PKD1L3: variants seen among roughly 807,000 people sequenced by gnomAD.
The protein encoded by PKD1L3 is polycystin 1 like 3, transient receptor potential channel interacting.
In PKD1L3, 239 loss-of-function variants were observed where a neutral mutation model predicts 184.1. The observed-to-expected ratio is 1.30, with a 90% CI of 1.17 to 1.45. The LOEUF (loss-of-function observed/expected upper bound fraction) is 1.45. Among genes scored for constraint, PKD1L3 ranks in the 40% most tolerant of loss-of-function variants. PKD1L3 has a pLI of 0.00. For missense variants in PKD1L3, 2,660 were observed against 2,067.2 expected (o/e 1.29, Z -5.56); for synonymous variants, 996 against 778.8 (o/e 1.28, Z -4.64).
Position 71,947,566 on chromosome 16 carries a change from G to A in PKD1L3, c.3644C>T (p.Ser1215Leu). 1.3e-6 allele frequency: 2 copies of A among 1,546,732 alleles called. No individual in the cohort carries two copies. The highest frequency in any genetic ancestry group is 2.4e-5 in the East Asian group (1 of 40,894). Residue 1215 changes from serine to leucine, a missense_variant, in exon 22 of 30, where the codon TCA (serine) becomes TTA (leucine). By Grantham distance (145) the Ser-to-Leu change is moderately radical (BLOSUM62 -2). Transcript: ENST00000620267. ...VKVVFFTFLY[S>L]LMMSRMPRLN... is the part of the protein sequence containing the mutation. ...CCGTGGCATCCTGCTCATCATCAGT[G>A]AGTATAAGAATGTGAAGAAGACCAC... is the stretch of plus-strand genomic sequence containing the variant.
At chr16:71,952,410 G>A (rs1008027094) in intron 18 of PKD1L3, among the ~76,000 whole-genome samples, 2 of 150,868 alleles carry the variant, frequency 1.3e-5, no homozygotes, top group Non-Finnish European at 3.0e-5. Flanking sequence ...TAGTAGAGAC[G>A]GGGTTTCACC....
At chr16:71,943,558 A>AAC (rs1555514236) in intron 23 of PKD1L3, among the ~76,000 whole-genome samples, 2 of 151,274 alleles carry the variant, frequency 1.3e-5, no homozygotes, top group South Asian at 2.1e-4. Context: ...AAAAAAAAAA[A>AAC]CATAAAATCC....
intron 10 of PKD1L3, 140 bp from the exon 11 acceptor site, chr16:71,977,607 C>T (rs1302230594): frequency 2.5e-5 from 16 of 651,636 alleles, no homozygotes; most frequent in Middle Eastern, 4.3e-4. Flanking sequence ...ATGTTGGCCA[C>T]GTTGGTCTTG....
At position 71,999,704 on chromosome 16, in the gene PKD1L3, T is replaced by C. The variant is rs374446932; in HGVS notation, c.275A>G (p.His92Arg). The C allele has an allele frequency of 2.4e-4, 376 of 1,548,888 alleles. 1 individual carries two copies. The highest frequency in any genetic ancestry group is 3.1e-4 in the Non-Finnish European group (357 of 1,145,188). Reference sequence around the variant, plus strand: ...CTTACCTGGGTATTTGTTGTCTTGATGCTTTTTCAATGGCATTACATTTTG... The same window carrying C: ...CTTACCTGGGTATTTGTTGTCTTGACGCTTTTTCAATGGCATTACATTTTG... ...IGQNVMPLKK[H>R]QDNKYPADVA... Residue 92 changes from histidine (H) to arginine (R), a missense_variant, in exon 1 of 30, where the codon CAT becomes CGT. By Grantham distance (29) the His-to-Arg change is conservative. Coordinates refer to ENST00000620267, the MANE Select transcript of PKD1L3 (RefSeq NM_181536.2).
chr16:71,940,751 C>T (rs1012679552), intron 24 of PKD1L3, among the ~76,000 whole-genome samples: 1 of 152,024 alleles, frequency 6.6e-6, no homozygotes, highest in Non-Finnish European at 1.5e-5. Context: ...CTGCCTGCCT[C>T]GGCCTCCCAA....
rs560446212 is a variant in PKD1L3 at position 71,986,462 on chromosome 16, G to T, written c.593C>A (p.Thr198Asn). The change falls in exon 5 of 30, where the codon ACC (threonine) becomes AAC (asparagine). Residue 198 changes from threonine (T) to asparagine (N), a missense_variant. By Grantham distance (65) the Thr-to-Asn change is moderately conservative. Coordinates refer to ENST00000620267, the MANE Select transcript of PKD1L3 (RefSeq NM_181536.2). ...AAACTGGCTGATGGGATGACACAGG[G>T]TCTTGGACTAAAAGATAAAAATATG... Reference protein sequence around the residue: ...HYPLPAHLSKTLCHPISQFPS... With the variant: ...HYPLPAHLSKNLCHPISQFPS... The T allele has an allele frequency of 3.2e-6, 5 of 1,549,008 alleles. No homozygotes were observed. The East Asian group carries it at 1.2e-4, about 38-fold the overall frequency.
intron 16 of PKD1L3, among the ~76,000 whole-genome samples, chr16:71,955,844 C>G (rs1449210333): frequency 6.6e-6 from 1 of 152,124 alleles, no homozygotes; most frequent in African/African-American, 2.4e-5. Context: ...ACTCATTCTC[C>G]TTGCTGCCAT....
intron 26 of PKD1L3, 143 bp downstream of exon 26, chr16:71,935,215 G>A: frequency 1.2e-6 from 1 of 853,168 alleles, no homozygotes; most frequent in Non-Finnish European, 1.8e-6. Flanking sequence ...CTTCTCTGCT[G>A]TGGACATGAG....
rs1049289753 is a variant in PKD1L3 at position 71,954,281 on chromosome 16, A to T, written c.2633T>A (p.Ile878Asn). 2.6e-6 allele frequency: 4 copies of T among 1,542,192 alleles called. No homozygotes were observed. The African/African-American group carries it at 5.5e-5, about 21-fold the overall frequency. The change falls in exon 17 of 30, where the codon ATT becomes AAT. Residue 878 changes from isoleucine (I) to asparagine (N), a missense_variant. Ile to Asn is a moderately radical substitution (Grantham distance 149). Transcript: ENST00000620267. ...ATAATCCTGGGTGAACTTTTCCACA[A>T]TCATGGAGGAAAACAGATGTCTGAA... ...FSFRHLFSSM[I>N]VEKFTQDYLW...
chr16:71,963,929 A>G (rs573978936), intron 15 of PKD1L3, among the ~76,000 whole-genome samples: 2 of 152,310 alleles, frequency 1.3e-5, no homozygotes, highest in East Asian at 3.9e-4. Flanking sequence ...TCTCTGTCCC[A>G]TATGTGACAG....
intron 27 of PKD1L3, 123 bp from the exon 28 acceptor site, chr16:71,933,644 C>A: frequency 1.3e-6 from 1 of 775,772 alleles, no homozygotes; most frequent in Non-Finnish European, 2.2e-6. Context: ...CAAATTATGC[C>A]CAAAGAATAC....
intron 16 of PKD1L3, among the ~76,000 whole-genome samples, chr16:71,960,630 A>C (rs1267319105): frequency 6.6e-6 from 1 of 152,212 alleles, no homozygotes; most frequent in African/African-American, 2.4e-5. Context: ...TATACGGTAA[A>C]AACTTACATA....
intron 16 of PKD1L3, among the ~76,000 whole-genome samples, chr16:71,955,812 G>C (rs8048947): frequency 2.0e-5 from 3 of 151,986 alleles, no homozygotes; most frequent in Admixed American, 1.3e-4. Context: ...GGTTTTATAA[G>C]GTGCTCCCCA....
chr16:71,993,243 C>A lies in PKD1L3; in HGVS notation c.508G>T (p.Ala170Ser). 1 of 1,549,878 alleles carries A rather than the reference C, an allele frequency of 6.5e-7. No individual in the cohort carries two copies. Among genetic ancestry groups the A allele is most frequent in the Non-Finnish European group, 8.7e-7 (1 of 1,146,148 alleles). The stretch of plus-strand genomic sequence containing the variant: ...GGGGGCATTTTGTCTCTTGCTATTG[C>A]AACTCCTCTTTTTGTCTTCTTGTGT... ...QRHKKTKRGV[A>S]IARDKMPPGP... Residue 170 changes from alanine to serine, a missense_variant, in exon 3 of 30, where the codon GCA becomes TCA. By Grantham distance (99) the Ala-to-Ser change is moderately conservative (BLOSUM62 1). Coordinates refer to ENST00000620267, the MANE Select transcript of PKD1L3 (RefSeq NM_181536.2).
chr16:71,979,624 C>CCT (rs1355153430), intron 9 of PKD1L3, among the ~76,000 whole-genome samples, 162 bp downstream of exon 9: 4 of 152,312 alleles, frequency 2.6e-5, no homozygotes, highest in African/African-American at 9.6e-5. Context: ...TTTTAAGAGG[C>CCT]CTCTATCCCT....
chr16:71,947,449 G>C, intron 22 of PKD1L3, 43 bp downstream of exon 22: 1 of 1,349,706 alleles, frequency 7.4e-7, no homozygotes, highest in East Asian at 2.5e-5. Flanking sequence ...GATCTAATTT[G>C]CTTTTTGCAA....
At chr16:71,972,040 C>A (rs1286734796) in intron 12 of PKD1L3, among the ~76,000 whole-genome samples, 1 of 151,820 alleles carries the variant, frequency 6.6e-6, no homozygotes, top group Non-Finnish European at 1.5e-5. Flanking sequence ...CACGGTGAAA[C>A]CCTGTCTCTA....
At chr16:71,985,590 C>A (rs1034801959) in intron 5 of PKD1L3, among the ~76,000 whole-genome samples, 11 of 152,232 alleles carry the variant, frequency 7.2e-5, no homozygotes, top group South Asian at 4.1e-4. Context: ...TGCCACCACA[C>A]CTGGCTAATT....
At chr16:71,991,701 G>A (rs979489633) in intron 3 of PKD1L3, among the ~76,000 whole-genome samples, 1 of 152,216 alleles carries the variant, frequency 6.6e-6, no homozygotes, top group African/African-American at 2.4e-5. Context: ...AAATGAAATA[G>A]AAGTGATACA....
Sources: allele counts gnomAD v4.1 joint callset (sites outside exome capture counted in the v4.1 genomes callset), GRCh38; gene constraint gnomAD v4.1.1; transcripts MANE v1.5; gene names NCBI Gene and HGNC (gene_info 2026-07-23, HGNC 2026-07-21).